The following GABRB2 variants were observed in gnomAD, a reference collection of about 807,000 sequenced individuals.
GABRB2 encodes gamma-aminobutyric acid type A receptor subunit beta2.
A neutral mutation model predicts 54.7 loss-of-function variants in GABRB2; 16 were observed. The ratio of observed to expected loss-of-function variants is 0.29; its 90% CI spans 0.20 to 0.44. GABRB2 has a LOEUF of 0.44. GABRB2 is among the 20% of genes least tolerant of loss of function. The pLI, the probability that GABRB2 is intolerant of heterozygous loss-of-function variation, is 1.00. For synonymous variants in GABRB2, 244 were observed against 233.8 expected, an observed-to-expected ratio of 1.04 and a Z score of -0.40; for missense variants, 355 against 644.0, an observed-to-expected ratio of 0.55 and a Z score of 4.86.
intron 5 of GABRB2, among the ~76,000 whole-genome samples, chr5:161,395,956 G>C (rs750303251): frequency 3.2e-4 from 49 of 152,076 alleles, no homozygotes; most frequent in South Asian, 8.3e-4. Context: ...TTAAGTGGAA[G>C]GTCCAGGAAA....
intron 3 of GABRB2, among the ~76,000 whole-genome samples, chr5:161,542,578 T>A (rs1760854807): frequency 6.6e-6 from 1 of 152,206 alleles, no homozygotes; most frequent in Admixed American, 6.5e-5. Flanking sequence ...GGTCTTTCTA[T>A]CATTGTGATT....
intron 5 of GABRB2, among the ~76,000 whole-genome samples, chr5:161,344,014 C>A (rs553919805): frequency 6.6e-6 from 1 of 152,164 alleles, no homozygotes; most frequent in South Asian, 2.1e-4. Flanking sequence ...GATGCTGATG[C>A]TTTTTGTCCA....
chr5:161,379,089 C>A (rs1014377345), intron 5 of GABRB2, among the ~76,000 whole-genome samples: 2 of 152,142 alleles, frequency 1.3e-5, no homozygotes, highest in Non-Finnish European at 2.9e-5. Context: ...CATTAGTTAT[C>A]ATTTTAAATG....
intron 3 of GABRB2, among the ~76,000 whole-genome samples, chr5:161,469,473 A>T (rs964291799): frequency 1.3e-5 from 2 of 151,544 alleles, no homozygotes; most frequent in African/African-American, 4.8e-5. Context: ...GCCATCATTG[A>T]TCAGTGAAAT....
At chr5:161,440,885 A>G (rs1275781429) in intron 4 of GABRB2, among the ~76,000 whole-genome samples, 1 of 152,232 alleles carries the variant, frequency 6.6e-6, no homozygotes, top group Non-Finnish European at 1.5e-5. Context: ...AATGTCTTCA[A>G]TAACTGGTGC....
intron 3 of GABRB2, among the ~76,000 whole-genome samples, chr5:161,477,166 A>G (rs532553104): frequency 7.9e-5 from 12 of 151,786 alleles, no homozygotes; most frequent in Non-Finnish European, 1.5e-4. Flanking sequence ...ATGACCAACA[A>G]GCATATGTAT....
intron 3 of GABRB2, among the ~76,000 whole-genome samples, chr5:161,496,215 C>A (rs1759238544): frequency 6.6e-6 from 1 of 152,114 alleles, no homozygotes; most frequent in Non-Finnish European, 1.5e-5. Context: ...CTCCCCAGCT[C>A]TTTTTTCCTA....
At chr5:161,537,732 A>G (rs1254425567) in intron 3 of GABRB2, among the ~76,000 whole-genome samples, 1 of 152,136 alleles carries the variant, frequency 6.6e-6, no homozygotes, top group Non-Finnish European at 1.5e-5. Flanking sequence ...ATGCAATTCT[A>G]TTGACACTAT....
At chr5:161,447,637 C>T (rs1014182821) in intron 4 of GABRB2, among the ~76,000 whole-genome samples, 6 of 152,010 alleles carry the variant, frequency 3.9e-5, no homozygotes, top group South Asian at 4.1e-4. Flanking sequence ...CCTATTACAC[C>T]GGTTTGGTTT....
At chr5:161,407,067 A>G (rs1049074759) in intron 5 of GABRB2, among the ~76,000 whole-genome samples, 3 of 152,100 alleles carry the variant, frequency 2.0e-5, no homozygotes, top group Non-Finnish European at 4.4e-5. Flanking sequence ...ATCCTTTGGA[A>G]TTTTAGTTAT....
chr5:161,330,873 C>A lies in GABRB2; in HGVS notation c.1077+10G>T. 1 of 1,614,208 alleles carries A rather than the reference C, an allele frequency of 6.2e-7. No individual in the cohort carries two copies. Among genetic ancestry groups the A allele is most frequent in the South Asian group, 1.1e-5 (1 of 91,084 alleles). On this transcript the variant is annotated intron_variant, in intron 8 of 9. Coordinates refer to ENST00000393959, the MANE Select transcript of GABRB2 (RefSeq NM_001371727.1). Reference sequence around the variant, plus strand: ...TTAAGAAGCAAGGAGGGCTTGCCCTCTGAATTTACCTTGTTGACATCCAGG... The same window carrying A: ...TTAAGAAGCAAGGAGGGCTTGCCCTATGAATTTACCTTGTTGACATCCAGG...
intron 4 of GABRB2, among the ~76,000 whole-genome samples, chr5:161,454,171 C>A (rs1321241371): frequency 3.9e-5 from 6 of 151,960 alleles, no homozygotes; most frequent in African/African-American, 4.8e-5. Context: ...AAGAACCATA[C>A]AACACATTAT....
At chr5:161,310,484 G>GTT (rs1215570955) in intron 9 of GABRB2, among the ~76,000 whole-genome samples, 1 of 152,024 alleles carries the variant, frequency 6.6e-6, no homozygotes, top group East Asian at 1.9e-4. Flanking sequence ...TGGCTTGCTT[G>GTT]TTTCTCTCTC....
intron 9 of GABRB2, among the ~76,000 whole-genome samples, chr5:161,299,610 C>T (rs1757478919): frequency 6.6e-6 from 1 of 151,978 alleles, no homozygotes. Context: ...TCCTTCCTTC[C>T]CCTGTCCCTT....
chr5:161,380,673 T>A (rs1755437291), intron 5 of GABRB2, among the ~76,000 whole-genome samples: 2 of 151,062 alleles, frequency 1.3e-5, no homozygotes, highest in Admixed American at 6.6e-5. Context: ...GAGCTGAGAG[T>A]TTCCAGAGCT....
rs530762279 is a variant in GABRB2 at position 161,360,013 on chromosome 5, G to A, written c.542-23244C>T. On this transcript the variant is annotated intron_variant, in intron 5 of 9. Coordinates refer to ENST00000393959, the MANE Select transcript of GABRB2 (RefSeq NM_001371727.1). ...GGAGAATCACTTGAACCCCGGAGGC[G>A]GAGGTTGTGCAGCAAGGCAAGATTG... Among the ~76,000 whole-genome samples, 9 of 152,188 alleles carry A rather than the reference G, an allele frequency of 5.9e-5. 1 individual carries two copies. The highest frequency in any genetic ancestry group is 2.6e-4 in the Admixed American group (4 of 15,280).
At chr5:161,462,228 G>A (rs4403218) in intron 3 of GABRB2, among the ~76,000 whole-genome samples, 14,018 of 152,186 alleles carry the variant, frequency 0.092, 794 homozygotes, top group East Asian at 0.17. Flanking sequence ...TAGCATTCTG[G>A]ACTGTTCTGC....
At chr5:161,317,328 A>AACAAAC (rs1758072180) in intron 9 of GABRB2, among the ~76,000 whole-genome samples, 2 of 152,296 alleles carry the variant, frequency 1.3e-5, no homozygotes, top group Non-Finnish European at 2.9e-5. Context: ...CAAAAACAAA[A>AACAAAC]ACAAACACTT....
At chr5:161,507,583 T>C (rs1039851160) in intron 3 of GABRB2, among the ~76,000 whole-genome samples, 4 of 152,034 alleles carry the variant, frequency 2.6e-5, no homozygotes, top group Non-Finnish European at 5.9e-5. Context: ...CACACACACA[T>C]GCACACACAT....
Sources: allele counts gnomAD v4.1 joint callset (sites outside exome capture counted in the v4.1 genomes callset), GRCh38; gene constraint gnomAD v4.1.1; transcripts MANE v1.5; gene names NCBI Gene and HGNC (gene_info 2026-07-23, HGNC 2026-07-21).